The following PTPRF variants were observed in gnomAD, a reference collection of about 807,000 sequenced individuals.
The protein encoded by PTPRF is receptor-type tyrosine-protein phosphatase F.
Under a neutral mutation model 201.8 loss-of-function variants are expected in PTPRF, and 59 were observed. The observed-to-expected ratio is 0.29, with a 90% CI of 0.24 to 0.36. The LOEUF is 0.36. PTPRF is among the 10% of genes least tolerant of loss of function. PTPRF has a pLI of 1.00. For synonymous variants in PTPRF, 1,088 were observed against 1,089.7 expected, an observed-to-expected ratio of 1.00 and a Z score of 0.03; for missense variants, 2,132 against 2,690.5, an observed-to-expected ratio of 0.79 and a Z score of 4.59.
intron 1 of PTPRF, among the ~76,000 whole-genome samples, 183 bp from the exon 2 acceptor site, chr1:43,538,015 T>G (rs1458988574): frequency 6.6e-6 from 1 of 152,132 alleles, no homozygotes; most frequent in African/African-American, 2.4e-5. Flanking sequence ...TCAAAATGAA[T>G]GAGCGAGGGA....
intron 6 of PTPRF, among the ~76,000 whole-genome samples, chr1:43,572,366 A>G (rs1040158916): frequency 6.6e-6 from 1 of 152,138 alleles, no homozygotes; most frequent in Admixed American, 6.5e-5. Context: ...TTCCAGGTCC[A>G]AGGAAGACTT....
upstream of PTPRF, among the ~76,000 whole-genome samples, chr1:43,523,266 C>T (rs192285282): frequency 2.6e-5 from 4 of 152,150 alleles, no homozygotes; most frequent in East Asian, 7.8e-4. Flanking sequence ...TGGCTGGGCT[C>T]CTCCCCATCA....
chr1:43,578,173 A>G (rs1055117518), intron 6 of PTPRF, among the ~76,000 whole-genome samples: 5 of 152,174 alleles, frequency 3.3e-5, no homozygotes, highest in Admixed American at 2.6e-4. Flanking sequence ...TGAATTATGC[A>G]GGAGCCGTGG....
chr1:43,620,777 T>C, intron 31 of PTPRF, 61 bp from the exon 32 acceptor site: 1 of 1,574,274 alleles, frequency 6.4e-7, no homozygotes, highest in Non-Finnish European at 8.6e-7. Flanking sequence ...CCTGGTCTAG[T>C]CCAGAGGGGT....
intron 5 of PTPRF, among the ~76,000 whole-genome samples, chr1:43,565,497 G>C (rs1167787052): frequency 6.6e-6 from 1 of 152,246 alleles, no homozygotes; most frequent in Non-Finnish European, 1.5e-5. Flanking sequence ...TATGCATGCG[G>C]GTAGAATCCG....
At chr1:43,528,401 G>A (rs1643208062), upstream of PTPRF, among the ~76,000 whole-genome samples, 1 of 152,128 alleles carries the variant, frequency 6.6e-6, no homozygotes, top group South Asian at 2.1e-4. Context: ...ATGTTGGCCA[G>A]GCTGGTCTCG....
rs778495775 is a variant in PTPRF at position 43,620,630 on chromosome 1, G to GTGGA, written c.5364+55_5364+58dup. On this transcript the variant is annotated intron_variant, in intron 31 of 33. Coordinates refer to ENST00000359947, the MANE Select transcript of PTPRF (RefSeq NM_002840.5). ...ATAACGCTGCCTGTCCACACGCTGG[G>GTGGA]TGGATGGCTGCCTGCATGGTACCTT... The GTGGA allele has an allele frequency of 5.6e-5, 90 of 1,595,162 alleles. No individual in the cohort carries two copies. The Admixed American group carries it at 1.5e-3, about 27-fold the overall frequency.
In PTPRF at chr1:43,588,790, G is replaced by A. The variant is rs764333630; in HGVS notation, c.739G>A (p.Gly247Ser). The change falls in exon 8 of 34, where the codon GGC becomes AGC. Residue 247 changes from glycine (G) to serine (S), a missense_variant. Physicochemically the swap from Gly to Ser is moderately conservative, Grantham distance 56. Coordinates refer to ENST00000359947, the MANE Select transcript of PTPRF (RefSeq NM_002840.5). The surrounding 1 kb of genome is among the most constrained non-coding windows in gnomAD (Gnocchi z 5.3). ...PPSSQEVMPG[G>S]SVNLTCVAVG... ...CAGCAGCCAGGAGGTGATGCCAGGC[G>A]GCAGCGTGAACCTGACATGCGTGGC... The A allele has an allele frequency of 2.0e-5, 33 of 1,614,000 alleles. No individual in the cohort carries two copies. The highest frequency in any genetic ancestry group is 4.4e-5 in the South Asian group (4 of 91,074).
intron 22 of PTPRF, chr1:43,613,109 C>A: frequency 2.9e-6 from 1 of 344,698 alleles, no homozygotes; most frequent in Non-Finnish European, 5.7e-6. Context: ...TCCTCTGTCT[C>A]ACACCCCCCT....
intron 11 of PTPRF, among the ~76,000 whole-genome samples, chr1:43,595,016 G>A (rs960774407): frequency 2.0e-5 from 3 of 152,166 alleles, no homozygotes; most frequent in Non-Finnish European, 2.9e-5. Flanking sequence ...CAACATGGAC[G>A]AGTGGCCCTG....
chr1:43,591,306 C>T lies in PTPRF; in HGVS notation c.1284C>T (p.Ser428=). 1 of 1,552,146 alleles carries T rather than the reference C, an allele frequency of 6.4e-7. No homozygotes were observed. The highest frequency in any genetic ancestry group is 2.4e-5 in the East Asian group (1 of 41,094). ...TGCAGGCACGCATGCTGAGCGCCAG[C>T]ACCATGCTGGTGCAGTGGGAGCCTC... ...RRVQARMLSA[S]TMLVQWEPPE... is the part of the protein sequence containing the mutation. The change falls in exon 9 of 34, where the codon AGC becomes AGT. Residue 428 remains serine, a synonymous_variant. Transcript: ENST00000359947.
intron 1 of PTPRF, among the ~76,000 whole-genome samples, chr1:43,532,272 G>GC (rs1033311236): frequency 6.6e-6 from 1 of 152,136 alleles, no homozygotes; most frequent in African/African-American, 2.4e-5. Context: ...AAGCCCCCCT[G>GC]CCCCCCAGTG....
intron 5 of PTPRF, among the ~76,000 whole-genome samples, chr1:43,555,183 T>G (rs1302937429): frequency 5.3e-5 from 8 of 152,090 alleles, no homozygotes; most frequent in African/African-American, 1.9e-4. Flanking sequence ...GAATGTGATG[T>G]CGATACCTGT....
chr1:43,615,667 C>T (rs1194421779), intron 23 of PTPRF, among the ~76,000 whole-genome samples: 1 of 147,934 alleles, frequency 6.8e-6, no homozygotes, highest in South Asian at 2.2e-4. Flanking sequence ...CCTGGGTTCA[C>T]GCCATTCTCC....
chr1:43,549,862 C>CA (rs765642445), intron 3 of PTPRF, among the ~76,000 whole-genome samples: 1,410 of 129,200 alleles, frequency 0.011, 9 homozygotes, highest in East Asian at 0.028. Context: ...ACCCCCCTCT[C>CA]AAAAAAAAAA....
At position 43,542,337 on chromosome 1, in the gene PTPRF, G is replaced by GT. The variant is rs1290305914; in HGVS notation, c.-45-2693dup. 1.6e-4 allele frequency among the ~76,000 whole-genome samples: 24 copies of GT among 152,150 alleles called. No homozygotes were observed. Among genetic ancestry groups the GT allele is most frequent in the South Asian group, 2.1e-4 (1 of 4,832 alleles). On this transcript the variant is annotated intron_variant, in intron 2 of 33. Transcript: ENST00000359947. This position sits in a 1 kb window ranked among gnomAD's most constrained non-coding sequence, Gnocchi z 5.2. Reference sequence around the variant, plus strand: ...AGAGTAGTTGCCTGAGAATGTGTTTGTGTGTGTCCCTTGTGTTTCCCCATC... The same window carrying GT: ...AGAGTAGTTGCCTGAGAATGTGTTTGTTGTGTGTCCCTTGTGTTTCCCCATC...
At position 43,555,442 on chromosome 1, in the gene PTPRF, CTTT is replaced by C. The variant is rs986469997; in HGVS notation, c.379+1520_379+1522del. ...CTAAATATTCTTCTGTATCATTATT[CTTT>C]TTTTTTTTTTTTTTTTTTGAGACGG... On this transcript the variant is annotated intron_variant, in intron 5 of 33. Coordinates refer to ENST00000359947, the MANE Select transcript of PTPRF (RefSeq NM_002840.5). 2.1e-3 allele frequency among the ~76,000 whole-genome samples: 242 copies of C among 115,536 alleles called. 2 individuals are homozygous for C. Among genetic ancestry groups the C allele is most frequent in the African/African-American group, 7.2e-3 (226 of 31,240 alleles). The allele number at this position is 115,536 out of a possible 152,430, so 75.8% of individuals were successfully genotyped here.
intron 3 of PTPRF, among the ~76,000 whole-genome samples, chr1:43,550,976 T>C (rs1488910909): frequency 6.6e-6 from 1 of 152,182 alleles, no homozygotes; most frequent in Non-Finnish European, 1.5e-5. Context: ...GCTGGGGCTC[T>C]GGGGAGAGCA....
intron 7 of PTPRF, among the ~76,000 whole-genome samples, chr1:43,583,369 A>G (rs771176298): frequency 6.6e-6 from 1 of 152,144 alleles, no homozygotes; most frequent in African/African-American, 2.4e-5. Flanking sequence ...GGCATGCTGC[A>G]TGGCATGAAA....
Sources: gnomAD v4.1 joint callset for allele counts (sites outside exome capture counted in the v4.1 genomes callset) on GRCh38, gnomAD v4.1.1 for gene constraint, Gnocchi (gnomAD v3.1) non-coding constraint, MANE v1.5 for transcripts, NCBI Gene and HGNC (gene_info 2026-07-23, HGNC 2026-07-21) for gene names.